Variants in ZNF609 observed in about 807,000 individuals in gnomAD.
The protein encoded by ZNF609 is zinc finger protein 609.
A neutral mutation model predicts 109.5 loss-of-function variants in ZNF609; 11 were observed. That is an observed-to-expected ratio of 0.10 (90% CI 0.06 to 0.17). The LOEUF is 0.17. ZNF609 is among the 10% of genes least tolerant of loss of function. The pLI is 1.00. For synonymous variants in ZNF609, 646 were observed against 662.0 expected (o/e 0.98, Z 0.37); for missense variants, 1,559 against 1,772.4 (o/e 0.88, Z 2.16).
chr15:64,526,529 T>C (rs1040846240), intron 2 of ZNF609, among the ~76,000 whole-genome samples: 15 of 152,220 alleles, frequency 9.9e-5, no homozygotes, highest in Admixed American at 3.3e-4. Context: ...TCTTCACTGA[T>C]TTTAGGGAGT....
Position 64,576,952 on chromosome 15 carries a change from A to G in ZNF609, c.748-45875A>G, listed in dbSNP as rs540266051. 6.3e-5 allele frequency among the ~76,000 whole-genome samples: 9 copies of G among 142,210 alleles called. No homozygotes were observed. In the South Asian group the frequency reaches 1.5e-3, roughly 24 times the overall value. The allele number at this position is 142,210 out of a possible 152,430, so 93.3% of individuals were successfully genotyped here. A position where few individuals can be genotyped will look rare whatever the true frequency, so the allele number is the denominator to read the frequency against. ...TATATATACATATAAATATATACAT[A>G]TATGTATATATACACATAAATATAT... On this transcript the variant is annotated intron_variant, in intron 2 of 9. Coordinates refer to ENST00000326648, the MANE Select transcript of ZNF609 (RefSeq NM_015042.2).
chr15:64,608,724 C>CAT (rs1555422586), intron 2 of ZNF609, among the ~76,000 whole-genome samples: 8 of 148,466 alleles, frequency 5.4e-5, no homozygotes, highest in Non-Finnish European at 9.0e-5. Flanking sequence ...TGCATGCATG[C>CAT]GTGTGTGTGT....
intron 2 of ZNF609, among the ~76,000 whole-genome samples, chr15:64,539,205 TATTA>T (rs1894206610): frequency 6.9e-6 from 1 of 143,986 alleles, no homozygotes; most frequent in Non-Finnish European, 1.5e-5. Flanking sequence ...TTTATTTATT[TATTA>T]TTTTTTATTT....
In ZNF609 at chr15:64,499,638, G is replaced by A. The variant is rs1183058338; in HGVS notation, c.219G>A (p.Lys73=). Residue 73 remains lysine, a synonymous_variant, in exon 2 of 10, where the codon AAG becomes AAA. Coordinates refer to ENST00000326648, the MANE Select transcript of ZNF609 (RefSeq NM_015042.2). ...NAVATLPDNI[K]FVTPVPGPQG... The stretch of plus-strand genomic sequence containing the variant: ...TGGCCACACTACCAGACAACATCAA[G>A]TTTGTGACCCCAGTGCCAGGTCCTC... 1 of 1,614,166 alleles carries A rather than the reference G, an allele frequency of 6.2e-7. No homozygotes were observed. The highest frequency in any genetic ancestry group is 8.5e-7 in the Non-Finnish European group (1 of 1,180,040).
chr15:64,653,371 G>A (rs1038587180), intron 3 of ZNF609, among the ~76,000 whole-genome samples: 2 of 152,024 alleles, frequency 1.3e-5, no homozygotes, highest in South Asian at 2.1e-4. Context: ...AGCGCCAGGC[G>A]CAGTGGCTCA....
chr15:64,670,045 C>T (rs112056020), intron 3 of ZNF609, among the ~76,000 whole-genome samples: 2,130 of 152,198 alleles, frequency 0.014, 15 homozygotes, highest in Non-Finnish European at 0.02. Flanking sequence ...TGAGGTGGGA[C>T]GATCGCTTGA....
intron 2 of ZNF609, among the ~76,000 whole-genome samples, chr15:64,563,788 A>G (rs1945713779): frequency 6.6e-6 from 1 of 151,970 alleles, no homozygotes; most frequent in African/African-American, 2.4e-5. Context: ...ACAAAACAAA[A>G]CAAAACAAAA....
At position 64,675,558 on chromosome 15, in the gene ZNF609, A is replaced by T. The variant is rs762745319; in HGVS notation, c.2704A>T (p.Ser902Cys). Residue 902 changes from serine to cysteine, a missense_variant, in exon 5 of 10, where the codon AGT becomes TGT. Physicochemically the swap from Ser to Cys is moderately radical, Grantham distance 112. Coordinates refer to ENST00000326648, the MANE Select transcript of ZNF609 (RefSeq NM_015042.2). The part of the protein sequence containing the change: ...YQGFESYYSP[S>C]YAQSSPGALN... ...AGGCTTTGAGAGTTACTATTCTCCA[A>T]GTTATGCACAGTCCAGCCCTGGGGC... The T allele has an allele frequency of 1.9e-6, 3 of 1,614,192 alleles. No individual in the cohort carries two copies. In the East Asian group the frequency reaches 6.7e-5, roughly 36 times the overall value.
At chr15:64,645,002 TTTC>T (rs1392713030) in intron 3 of ZNF609, among the ~76,000 whole-genome samples, 1 of 150,856 alleles carries the variant, frequency 6.6e-6, no homozygotes, top group African/African-American at 2.5e-5. Flanking sequence ...TCTTTCTTTC[TTTC>T]TTTCTTCCTT....
At chr15:64,620,438 G>GT (rs1158949257) in intron 2 of ZNF609, among the ~76,000 whole-genome samples, 1 of 152,076 alleles carries the variant, frequency 6.6e-6, no homozygotes, top group African/African-American at 2.4e-5. Flanking sequence ...TTTCTGTGTT[G>GT]TTTTTTACCT....
intron 1 of ZNF609, among the ~76,000 whole-genome samples, chr15:64,493,665 G>C (rs777801252): frequency 6.6e-6 from 1 of 152,158 alleles, no homozygotes; most frequent in Non-Finnish European, 1.5e-5. Context: ...GAAGGAAGTG[G>C]AGTACACTTA....
intron 2 of ZNF609, among the ~76,000 whole-genome samples, chr15:64,527,836 T>G (rs999408719): frequency 6.6e-6 from 1 of 152,102 alleles, no homozygotes; most frequent in Non-Finnish European, 1.5e-5. Context: ...TAACTTCCCC[T>G]CTTTATACTT....
intron 1 of ZNF609, among the ~76,000 whole-genome samples, chr15:64,475,536 C>T (rs1893158265): frequency 6.6e-6 from 1 of 151,638 alleles, no homozygotes; most frequent in African/African-American, 2.4e-5. Context: ...TTACAGTTGC[C>T]CGCCACCGCG....
intron 2 of ZNF609, among the ~76,000 whole-genome samples, chr15:64,566,815 G>C (rs530389495): frequency 2.6e-5 from 4 of 152,162 alleles, no homozygotes; most frequent in Admixed American, 2.6e-4. Flanking sequence ...AGTGGAGAGA[G>C]ATTATATTAC....
At chr15:64,552,648 C>T (rs1250672585) in intron 2 of ZNF609, among the ~76,000 whole-genome samples, 1 of 152,028 alleles carries the variant, frequency 6.6e-6, no homozygotes, top group Non-Finnish European at 1.5e-5. Flanking sequence ...GCCACTGCTC[C>T]CAGCCATTGT....
intron 2 of ZNF609, among the ~76,000 whole-genome samples, chr15:64,613,007 T>C (rs1437619351): frequency 6.6e-6 from 1 of 151,714 alleles, no homozygotes; most frequent in Non-Finnish European, 1.5e-5. Context: ...AGAGTGAGAC[T>C]CTGTCTAAAA....
intron 2 of ZNF609, among the ~76,000 whole-genome samples, chr15:64,609,059 TTAATTTTTCTTTCTTTC>T (rs1221373017): frequency 2.4e-4 from 37 of 151,546 alleles, no homozygotes; most frequent in African/African-American, 9.0e-4. Context: ...TGTTTTAGTT[TTAATTTTTCTTTCTTTC>T]TTTCTTTCTT....
At chr15:64,540,665 A>T (rs866231060) in intron 2 of ZNF609, among the ~76,000 whole-genome samples, 1 of 151,512 alleles carries the variant, frequency 6.6e-6, no homozygotes, top group African/African-American at 2.4e-5. Context: ...CGGCCTGCCA[A>T]AGTGCTGGGA....
intron 1 of ZNF609, among the ~76,000 whole-genome samples, chr15:64,473,982 C>A (rs1341296137): frequency 1.3e-5 from 2 of 151,990 alleles, no homozygotes; most frequent in Non-Finnish European, 2.9e-5. Flanking sequence ...ACCATCTTGG[C>A]CAGGCTGGTC....
Sources: allele counts gnomAD v4.1 joint callset (sites outside exome capture counted in the v4.1 genomes callset), GRCh38; gene constraint gnomAD v4.1.1; transcripts MANE v1.5; gene names NCBI Gene and HGNC (gene_info 2026-07-23, HGNC 2026-07-21).